Variants in TMEM178B observed in about 807,000 individuals in gnomAD.
TMEM178B encodes transmembrane protein 178B.
TMEM178B carries 5 observed loss-of-function variants against 31.0 expected under a neutral mutation model. That is an observed-to-expected ratio of 0.16 (90% CI 0.08 to 0.34). The LOEUF (loss-of-function observed/expected upper bound fraction) is 0.34, where lower values mean the gene tolerates loss of function less well. TMEM178B is among the 10% of genes least tolerant of loss of function. The pLI is 1.00. For synonymous variants in TMEM178B, 164 were observed against 164.0 expected, an observed-to-expected ratio of 1.00 and a Z score of 0.00; for missense variants, 275 against 400.3, an observed-to-expected ratio of 0.69 and a Z score of 2.67.
Position 141,338,249 on chromosome 7 carries a change from G to A in TMEM178B, c.497-99359G>A, listed in dbSNP as rs1799459329. ...GAATTTTGGTCATGATGTAGTTAAA[G>A]CCTTTATTAATAAGTCTATTTTGTT... On this transcript the variant is annotated intron_variant, in intron 2 of 3. Coordinates refer to ENST00000565468, the MANE Select transcript of TMEM178B (RefSeq NM_001195278.2). 3.3e-5 allele frequency among the ~76,000 whole-genome samples: 5 copies of A among 152,200 alleles called. No homozygotes were observed. In the South Asian group the frequency reaches 1.0e-3, roughly 31 times the overall value.
At chr7:141,430,277 C>T (rs1397265250) in intron 2 of TMEM178B, 2 of 152,226 alleles carry the variant, frequency 1.3e-5, no homozygotes, top group African/African-American at 4.8e-5. Context: ...CAACATGTTA[C>T]TCAGCACCTT....
At chr7:141,199,471 C>T (rs996464597) in intron 1 of TMEM178B, among the ~76,000 whole-genome samples, 2 of 152,176 alleles carry the variant, frequency 1.3e-5, no homozygotes, top group Non-Finnish European at 2.9e-5. Flanking sequence ...GATCTCCATC[C>T]GTTGTAGTGG....
At position 141,222,441 on chromosome 7, in the gene TMEM178B, T is replaced by C. The variant is rs189997415; in HGVS notation, c.496+9737T>C. On this transcript the variant is annotated intron_variant, in intron 2 of 3. Coordinates refer to ENST00000565468, the MANE Select transcript of TMEM178B (RefSeq NM_001195278.2). ...AACTATTTAAGTGGTTTGACCCCAG[T>C]ACACTCATTTGTAAAGCAGAGATGG... 1.1e-3 allele frequency among the ~76,000 whole-genome samples: 173 copies of C among 152,326 alleles called. 1 individual carries two copies. Among genetic ancestry groups the C allele is most frequent in the African/African-American group, 4.0e-3 (167 of 41,574 alleles).
chr7:141,296,830 T>C (rs1215743339), intron 2 of TMEM178B, among the ~76,000 whole-genome samples: 1 of 152,212 alleles, frequency 6.6e-6, no homozygotes, highest in Non-Finnish European at 1.5e-5. Context: ...TCTTTTAAGA[T>C]CTTTCTCATC....
chr7:141,344,160 G>C lies in TMEM178B; in HGVS notation c.497-93448G>C, dbSNP rs1799568216. Among the ~76,000 whole-genome samples the C allele has an allele frequency of 6.6e-6, 1 of 152,208 alleles. No homozygotes were observed. Among genetic ancestry groups the C allele is most frequent in the African/African-American group, 2.4e-5 (1 of 41,444 alleles). On this transcript the variant is annotated intron_variant, in intron 2 of 3. Transcript: ENST00000565468. The surrounding 1 kb of genome is among the most constrained non-coding windows in gnomAD (Gnocchi z 4.1). Reference sequence around the variant, plus strand: ...GGTTTTTGCCATTACTTTTAAGGGTGACACAGCTTAATAATGGTTGTATCA... The same window carrying C: ...GGTTTTTGCCATTACTTTTAAGGGTCACACAGCTTAATAATGGTTGTATCA...
At chr7:141,346,538 C>T (rs1799623325) in intron 2 of TMEM178B, among the ~76,000 whole-genome samples, 1 of 152,102 alleles carries the variant, frequency 6.6e-6, no homozygotes, top group African/African-American at 2.4e-5. Flanking sequence ...ATCATGTGCC[C>T]TTACCTGTAC....
At chr7:141,327,013 A>G (rs1799203101) in intron 2 of TMEM178B, among the ~76,000 whole-genome samples, 1 of 152,192 alleles carries the variant, frequency 6.6e-6, no homozygotes, top group Non-Finnish European at 1.5e-5. Context: ...GCAACTCTAG[A>G]TCAAACCATG....
Position 141,438,758 on chromosome 7 carries a change from C to T in TMEM178B, c.634+1013C>T, listed in dbSNP as rs186742966. On this transcript the variant is annotated intron_variant, in intron 3 of 3. Transcript: ENST00000565468. ...AGGCATGGTAGCGCGTGCCTGTAGT[C>T]CCAGCCACTTGGGAGGCTGAGGCAG... 5.5e-3 allele frequency among the ~76,000 whole-genome samples: 782 copies of T among 142,484 alleles called. 9 individuals carry two copies. Among genetic ancestry groups the T allele is most frequent in the African/African-American group, 0.019 (734 of 38,802 alleles). The allele number at this position is 142,484 out of a possible 152,430, so 93.5% of individuals were successfully genotyped here.
chr7:141,128,838 G>A (rs112729282), intron 1 of TMEM178B, among the ~76,000 whole-genome samples: 1 of 152,116 alleles, frequency 6.6e-6, no homozygotes, highest in Non-Finnish European at 1.5e-5. Flanking sequence ...CTCTGCTGTT[G>A]TCAGAAACAA....
intron 1 of TMEM178B, among the ~76,000 whole-genome samples, chr7:141,132,239 G>C (rs1795606266): frequency 6.6e-6 from 1 of 151,940 alleles, no homozygotes; most frequent in African/African-American, 2.4e-5. Flanking sequence ...GGCTTCTAAG[G>C]GCAGACTACC....
chr7:141,079,329 C>T (rs1794647743), intron 1 of TMEM178B, among the ~76,000 whole-genome samples: 1 of 152,058 alleles, frequency 6.6e-6, no homozygotes, highest in Non-Finnish European at 1.5e-5. Flanking sequence ...TTGTATTGGC[C>T]ACATTTCAAA....
chr7:141,157,168 A>T lies in TMEM178B; in HGVS notation c.383-55423A>T, dbSNP rs368870428. On this transcript the variant is annotated intron_variant, in intron 1 of 3. Coordinates refer to ENST00000565468, the MANE Select transcript of TMEM178B (RefSeq NM_001195278.2). ...CTTCCCACTGGCCAAGACAAGTCAC[A>T]TCGCCAATCTGGACAGACCTGGGAC... 8.0e-4 allele frequency among the ~76,000 whole-genome samples: 122 copies of T among 152,226 alleles called. 2 individuals carry two copies. The South Asian group carries it at 0.022, about 28-fold the overall frequency.
chr7:141,394,901 T>A (rs1000300985), intron 2 of TMEM178B, among the ~76,000 whole-genome samples: 1 of 152,236 alleles, frequency 6.6e-6, no homozygotes, highest in African/African-American at 2.4e-5. Context: ...CATACAAGCC[T>A]GCTTTAAAGT....
chr7:141,394,247 G>A (rs961856291), intron 2 of TMEM178B, among the ~76,000 whole-genome samples: 1 of 152,172 alleles, frequency 6.6e-6, no homozygotes. Flanking sequence ...CTTCACCCCC[G>A]CCTGTTGCTG....
chr7:141,423,805 GTTTTTTTTT>G (rs5888005), intron 2 of TMEM178B, among the ~76,000 whole-genome samples: 3 of 108,798 alleles, frequency 2.8e-5, no homozygotes, highest in Non-Finnish European at 3.6e-5. Flanking sequence ...TGACATTTGT[GTTTTTTTTT>G]TTTTTTTTTT....
intron 2 of TMEM178B, among the ~76,000 whole-genome samples, chr7:141,383,155 TCTTTCTTTC>T (rs1161868889): frequency 1.3e-5 from 2 of 148,448 alleles, no homozygotes; most frequent in African/African-American, 4.9e-5. Flanking sequence ...TTTCTTTCTT[TCTTTCTTTC>T]TTTTTTTTTA....
At chr7:141,194,818 T>C (rs1586819626) in intron 1 of TMEM178B, among the ~76,000 whole-genome samples, 1 of 152,230 alleles carries the variant, frequency 6.6e-6, no homozygotes, top group South Asian at 2.1e-4. Flanking sequence ...TGCCTGGGCA[T>C]CCAGGCATTT....
chr7:141,229,013 CTTTTTTTTTTT>C (rs3035763), intron 2 of TMEM178B, among the ~76,000 whole-genome samples: 1 of 80,560 alleles, frequency 1.2e-5, no homozygotes, highest in African/African-American at 5.2e-5. Context: ...TCAGTACTAT[CTTTTTTTTTTT>C]TTTTTTTTTT....
At chr7:141,345,331 A>G (rs1006415386) in intron 2 of TMEM178B, among the ~76,000 whole-genome samples, 1 of 152,244 alleles carries the variant, frequency 6.6e-6, no homozygotes, top group South Asian at 2.1e-4. Context: ...CATTTAGGCA[A>G]ACAACTCGAG....
Sources: gnomAD v4.1 joint callset for allele counts (sites outside exome capture counted in the v4.1 genomes callset) on GRCh38, gnomAD v4.1.1 for gene constraint, Gnocchi (gnomAD v3.1) non-coding constraint, MANE v1.5 for transcripts, NCBI Gene and HGNC (gene_info 2026-07-23, HGNC 2026-07-21) for gene names.